NLRP7: variants seen among roughly 807,000 people sequenced by gnomAD.
NLRP7 encodes NACHT, LRR and PYD domains-containing protein 7.
In NLRP7, 72 loss-of-function variants were observed where a neutral mutation model predicts 85.5. That is an observed-to-expected ratio of 0.84 (90% CI 0.70 to 1.02). The LOEUF is 1.02. Among genes scored for constraint, NLRP7 ranks in the 50% least tolerant of loss-of-function variants. The pLI is 0.00. For synonymous variants in NLRP7, 550 were observed against 505.2 expected (o/e 1.09, Z -1.19); for missense variants, 1,243 against 1,219.5 (o/e 1.02, Z -0.29).
chr19:54,941,610 G>A (rs139841269), exon 2 of NLRP7: 179 of 1,613,968 alleles, frequency 1.1e-4, no homozygotes, highest in African/African-American at 4.8e-4. Flanking sequence ...GCACGTCTTC[G>A]AGGGGAAAAG....
chr19:54,958,688 C>T (rs1289591343), intron 1 of NLRP7, among the ~76,000 whole-genome samples: 2 of 152,022 alleles, frequency 1.3e-5, no homozygotes, highest in East Asian at 1.9e-4. Context: ...CACAGTGGCT[C>T]ACGCCTGTAA....
At chr19:54,933,766 A>G in intron 7 of NLRP7, 27 bp from the exon 8 acceptor site, 1 of 1,600,726 alleles carries the variant, frequency 6.2e-7, no homozygotes, top group East Asian at 2.2e-5. Flanking sequence ...CAAATGGTAG[A>G]AGGATGAGAA....
Position 54,954,173 on chromosome 19 carries a change from T to TA in NLRP7, c.-76-6669dup, listed in dbSNP as rs1047364994. 1.4e-4 allele frequency among the ~76,000 whole-genome samples: 21 copies of TA among 148,854 alleles called. 4 individuals carry two copies. The highest frequency in any genetic ancestry group is 2.7e-4 in the Non-Finnish European group (18 of 66,858). On this transcript the variant is annotated intron_variant, in intron 1 of 2. Transcript: ENST00000587103. ...TGTCAGGAAGTTACCCTATGCTGTCTAAAAAGGGGAGGCATGAATAATCCA... is the reference window on the plus strand; with the variant it reads ...TGTCAGGAAGTTACCCTATGCTGTCTAAAAAAGGGGAGGCATGAATAATCCA...
At chr19:54,933,507 A>G in intron 8 of NLRP7, 62 bp downstream of exon 8, 1 of 1,573,364 alleles carries the variant, frequency 6.4e-7, no homozygotes, top group Non-Finnish European at 8.7e-7. Flanking sequence ...ATTAACAAGT[A>G]CTTTCATGTC....
chr19:54,948,542 C>G (rs2069567183), upstream of NLRP7, among the ~76,000 whole-genome samples: 1 of 151,892 alleles, frequency 6.6e-6, no homozygotes, highest in South Asian at 2.1e-4. Context: ...AGAGTGAGAC[C>G]CAGTCTCAAA....
At chr19:54,933,457 T>A in intron 8 of NLRP7, 112 bp downstream of exon 8, 1 of 1,399,180 alleles carries the variant, frequency 7.1e-7, no homozygotes, top group Non-Finnish European at 1.0e-6. Flanking sequence ...TGCCTGTTCT[T>A]TAATTCTTAC....
At chr19:54,963,266 C>T (rs1311817089) in intron 1 of NLRP7, among the ~76,000 whole-genome samples, 1 of 151,890 alleles carries the variant, frequency 6.6e-6, no homozygotes, top group African/African-American at 2.4e-5. Flanking sequence ...GGCGTGATGG[C>T]GTATGCCTGT....
intron 9 of NLRP7, among the ~76,000 whole-genome samples, chr19:54,926,858 C>T (rs970363185): frequency 2.1e-5 from 3 of 145,852 alleles, no homozygotes; most frequent in African/African-American, 7.7e-5. Context: ...AGAGGTTGCA[C>T]TGAGCCGAGA....
chr19:54,936,193 C>T, intron 6 of NLRP7, 68 bp downstream of exon 6: 1 of 1,444,906 alleles, frequency 6.9e-7, no homozygotes, highest in Non-Finnish European at 9.7e-7. Context: ...ACCCTTTTTC[C>T]TAGATCCCCC....
chr19:54,941,159 C>T (rs530566570), intron 2 of NLRP7, among the ~76,000 whole-genome samples, 154 bp from the exon 3 acceptor site: 2 of 151,016 alleles, frequency 1.3e-5, no homozygotes, highest in Non-Finnish European at 3.0e-5. Context: ...GTCAGGAGAT[C>T]AAGACCAGCC....
chr19:54,940,669 A>G (rs147400800), intron 3 of NLRP7, among the ~76,000 whole-genome samples: 20 of 152,152 alleles, frequency 1.3e-4, no homozygotes, highest in African/African-American at 4.8e-4. Context: ...TCTACTAAAA[A>G]TACAAAACAT....
Position 54,961,639 on chromosome 19 carries a change from G to A in NLRP7, c.-77+4401C>T, listed in dbSNP as rs77440002. ...ATCTCAGATCAGGAGTTCAAGAAGA[G>A]CCTGGCCAGCATGGTGAAAACCTAT... is the stretch of plus-strand genomic sequence containing the variant. On this transcript the variant is annotated intron_variant, in intron 1 of 2. Coordinates refer to the NLRP7 transcript ENST00000587103. 7.9e-3 allele frequency among the ~76,000 whole-genome samples: 1,206 copies of A among 151,890 alleles called. 20 individuals carry two copies. Among genetic ancestry groups the A allele is most frequent in the African/African-American group, 0.028 (1,166 of 41,484 alleles).
At chr19:54,932,163 C>A (rs269956) in intron 8 of NLRP7, among the ~76,000 whole-genome samples, 26,115 of 152,044 alleles carry the variant, frequency 0.17, 2,874 homozygotes, top group South Asian at 0.25. Flanking sequence ...CACAGTGGCT[C>A]ATGCCTGGAA....
intron 1 of NLRP7, among the ~76,000 whole-genome samples, chr19:54,952,891 A>G (rs1282459300): frequency 1.3e-5 from 2 of 152,040 alleles, no homozygotes; most frequent in Non-Finnish European, 2.9e-5. Flanking sequence ...GTGGCCCAGC[A>G]CTTTGGGAGG....
chr19:54,960,112 T>C (rs2069989551), intron 1 of NLRP7, among the ~76,000 whole-genome samples: 1 of 151,992 alleles, frequency 6.6e-6, no homozygotes, highest in Non-Finnish European at 1.5e-5. Flanking sequence ...ACTCACTTAT[T>C]CCAACAGAAG....
At chr19:54,943,995 C>T (rs144431994) in intron 1 of NLRP7, among the ~76,000 whole-genome samples, 1 of 152,222 alleles carries the variant, frequency 6.6e-6, no homozygotes, top group East Asian at 1.9e-4. Flanking sequence ...TCTCTAATCT[C>T]AAGCACCCAG....
At position 54,934,558 on chromosome 19, in the gene NLRP7, A is replaced by G. The variant is rs2068817265; in HGVS notation, c.2402T>C (p.Leu801Pro). The G allele has an allele frequency of 1.2e-6, 2 of 1,613,954 alleles. No homozygotes were observed. Among genetic ancestry groups the G allele is most frequent in the Admixed American group, 1.7e-5 (1 of 59,990 alleles). The change falls in exon 7 of 10, where the codon CTC becomes CCC. Residue 801 changes from leucine (L) to proline (P), a missense_variant. Leu to Pro is a moderately conservative substitution (Grantham distance 98). This residue lies in a region of NLRP7 where 613 missense variants were observed against 588.4 expected (regional missense o/e 1.04). Coordinates refer to ENST00000340844, the Ensembl canonical transcript of NLRP7. The surrounding 1 kb of genome is among the most constrained non-coding windows in gnomAD (Gnocchi z 6.7). The stretch of plus-strand genomic sequence containing the variant: ...CAGCAACATGGCACCCTCATCCAGG[A>G]GCACATTGGCTGAGAGACGCAGGTG...
chr19:54,945,460 G>A (rs1290601120), intron 1 of NLRP7, among the ~76,000 whole-genome samples: 1 of 151,520 alleles, frequency 6.6e-6, no homozygotes, highest in Non-Finnish European at 1.5e-5. Flanking sequence ...AGTACAAACG[G>A]GGTTTCACCA....
At chr19:54,933,853 T>G in intron 7 of NLRP7, 114 bp from the exon 8 acceptor site, 1 of 915,360 alleles carries the variant, frequency 1.1e-6, no homozygotes, top group Non-Finnish European at 1.8e-6. Context: ...GTTCATCCCC[T>G]GCCCTCTGTC....
Sources: gnomAD v4.1 joint callset for allele counts (sites outside exome capture counted in the v4.1 genomes callset) on GRCh38, gnomAD v4.1.1 for gene constraint, gnomAD v4.1.1 regional missense constraint, Gnocchi (gnomAD v3.1) non-coding constraint, MANE v1.5 for transcripts, NCBI Gene and HGNC (gene_info 2026-07-23, HGNC 2026-07-21) for gene names.